Variants in DLGAP2 observed in about 807,000 individuals in gnomAD.
DLGAP2 encodes DLG associated protein 2.
A neutral mutation model predicts 100.3 loss-of-function variants in DLGAP2; 26 were observed. That is an observed-to-expected ratio of 0.26 (90% CI 0.19 to 0.36). The LOEUF (loss-of-function observed/expected upper bound fraction) is 0.36, where lower values mean the gene tolerates loss of function less well. Among genes scored for constraint, DLGAP2 ranks in the 10% least tolerant of loss-of-function variants. The pLI, the probability that DLGAP2 is intolerant of heterozygous loss-of-function variation, is 1.00. For synonymous variants in DLGAP2, 886 were observed against 630.1 expected (o/e 1.41, Z -6.08); for missense variants, 1,858 against 1,453.2 (o/e 1.28, Z -4.53).
At position 1,626,819 on chromosome 8, in the gene DLGAP2, T is replaced by C. The variant is rs1797516338; in HGVS notation, c.1522T>C (p.Phe508Leu). Residue 508 changes from phenylalanine (F) to leucine (L), a missense_variant, in exon 7 of 15, where the codon TTC (phenylalanine) becomes CTC (leucine). Transcript: ENST00000637795. ...CGCTGCGAACTACAACTCCCCGAAATTCCGCTCCCGGAACCAGAGCTACAT... is the reference window on the plus strand; with the variant it reads ...CGCTGCGAACTACAACTCCCCGAAACTCCGCTCCCGGAACCAGAGCTACAT... The part of the protein sequence containing the change: ...DPAANYNSPK[F>L]RSRNQSYMRA... 6.2e-7 allele frequency: 1 copy of C among 1,606,028 alleles called. No homozygotes were observed. The highest frequency in any genetic ancestry group is 8.5e-7 in the Non-Finnish European group (1 of 1,176,576).
chr8:1,537,270 A>T (rs552251908), intron 4 of DLGAP2, among the ~76,000 whole-genome samples: 72 of 152,248 alleles, frequency 4.7e-4, no homozygotes, highest in African/African-American at 1.7e-3. Flanking sequence ...CATGTGCATA[A>T]TCATGCATGT....
chr8:1,536,473 C>T (rs1400131668), intron 4 of DLGAP2, among the ~76,000 whole-genome samples: 1 of 152,104 alleles, frequency 6.6e-6, no homozygotes, highest in Non-Finnish European at 1.5e-5. Flanking sequence ...TCTGAATTTT[C>T]AAGTGAACGA....
chr8:752,916 T>C (rs990761229), intron 1 of DLGAP2, among the ~76,000 whole-genome samples: 4 of 152,162 alleles, frequency 2.6e-5, no homozygotes, highest in Non-Finnish European at 5.9e-5. Flanking sequence ...TCTCAGCTGT[T>C]TAAGTGGATC....
intron 1 of DLGAP2, among the ~76,000 whole-genome samples, chr8:804,815 G>T (rs1374072040): frequency 6.6e-6 from 1 of 151,876 alleles, no homozygotes; most frequent in Non-Finnish European, 1.5e-5. Flanking sequence ...ACCCAGGCTC[G>T]AGTGCAGTGG....
intron 3 of DLGAP2, among the ~76,000 whole-genome samples, chr8:1,365,328 C>A (rs1301499026): frequency 6.6e-6 from 1 of 152,112 alleles, no homozygotes; most frequent in African/African-American, 2.4e-5. Context: ...TGCAGGTGGC[C>A]CAGGGTCCCC....
intron 3 of DLGAP2, among the ~76,000 whole-genome samples, chr8:1,473,065 G>C (rs1246383895): frequency 1.3e-5 from 2 of 151,986 alleles, no homozygotes; most frequent in Non-Finnish European, 2.9e-5. Context: ...CAGGCAGCTG[G>C]GATTACAGGC....
intron 1 of DLGAP2, among the ~76,000 whole-genome samples, chr8:878,229 G>T (rs980616985): frequency 1.3e-5 from 2 of 152,158 alleles, no homozygotes; most frequent in African/African-American, 4.8e-5. Flanking sequence ...TATAGACAGA[G>T]ATGGAATAAT....
intron 8 of DLGAP2, among the ~76,000 whole-genome samples, chr8:1,668,113 C>A (rs1318440706): frequency 6.6e-6 from 1 of 152,242 alleles, no homozygotes; most frequent in Non-Finnish European, 1.5e-5. Flanking sequence ...TGTGTCTCTG[C>A]AGCTGGGTTT....
Position 1,478,422 on chromosome 8 carries a change from C to T in DLGAP2, c.107-22944C>T, listed in dbSNP as rs72507650. On this transcript the variant is annotated intron_variant, in intron 3 of 14. Transcript: ENST00000637795. The stretch of plus-strand genomic sequence containing the variant: ...CCATGACATTTTCAGGAGCTCCTCG[C>T]GGTGTGAAGAGCATGCTTTCAGCCC... Among the ~76,000 whole-genome samples the T allele has an allele frequency of 7.0e-3, 1,068 of 152,334 alleles. 8 individuals are homozygous for T. Among genetic ancestry groups the T allele is most frequent in the East Asian group, 0.028 (144 of 5,178 alleles).
At chr8:1,201,219 C>T (rs530286558) in intron 2 of DLGAP2, among the ~76,000 whole-genome samples, 2 of 152,308 alleles carry the variant, frequency 1.3e-5, no homozygotes, top group South Asian at 4.1e-4. Flanking sequence ...AGACGCAGAA[C>T]CAGGGGTGCA....
At chr8:1,502,571 G>A (rs1799760259) in intron 4 of DLGAP2, among the ~76,000 whole-genome samples, 1 of 152,232 alleles carries the variant, frequency 6.6e-6, no homozygotes, top group Non-Finnish European at 1.5e-5. Flanking sequence ...CTCGGAAATA[G>A]ACGAGTGAAA....
chr8:1,433,690 G>C (rs529811744), intron 3 of DLGAP2, among the ~76,000 whole-genome samples: 1 of 149,058 alleles, frequency 6.7e-6, no homozygotes, highest in East Asian at 2.0e-4. Context: ...TAGGTGCCTG[G>C]AGTTTTGCTA....
At chr8:1,457,252 T>C (rs2130136917) in intron 3 of DLGAP2, among the ~76,000 whole-genome samples, 1 of 152,334 alleles carries the variant, frequency 6.6e-6, no homozygotes, top group East Asian at 1.9e-4. Context: ...CAAGGGGTTG[T>C]TCTCAAGTTA....
At chr8:1,340,451 T>C (rs555879016) in intron 3 of DLGAP2, among the ~76,000 whole-genome samples, 1 of 152,160 alleles carries the variant, frequency 6.6e-6, no homozygotes, top group African/African-American at 2.4e-5. Context: ...AGAAGACATA[T>C]GTGCAGCCAG....
intron 2 of DLGAP2, among the ~76,000 whole-genome samples, chr8:1,220,033 A>G (rs1487078473): frequency 6.6e-6 from 1 of 151,862 alleles, no homozygotes; most frequent in African/African-American, 2.4e-5. Flanking sequence ...GTGGTCTATC[A>G]GTATTATTTC....
Position 1,382,604 on chromosome 8 carries a change from C to T in DLGAP2, c.107-118762C>T, listed in dbSNP as rs1271009433. Among the ~76,000 whole-genome samples the T allele has an allele frequency of 9.9e-5, 15 of 151,986 alleles. No individual in the cohort carries two copies. The East Asian group carries it at 2.9e-3, about 29-fold the overall frequency. On this transcript the variant is annotated intron_variant, in intron 3 of 14. Transcript: ENST00000637795. The stretch of plus-strand genomic sequence containing the variant: ...ATAAACTTTTAAAAAATTAGCAGTG[C>T]AGTGGTGTGTGCCTGCAGTCCCAGC...
chr8:1,442,480 T>G (rs1797863333), intron 3 of DLGAP2, among the ~76,000 whole-genome samples: 1 of 145,950 alleles, frequency 6.9e-6, no homozygotes, highest in Non-Finnish European at 1.5e-5. Flanking sequence ...TGCTGGGGGT[T>G]CAGCCACTGG....
At chr8:889,016 T>C (rs1188082453) in intron 1 of DLGAP2, among the ~76,000 whole-genome samples, 1 of 151,938 alleles carries the variant, frequency 6.6e-6, no homozygotes, top group Non-Finnish European at 1.5e-5. Context: ...TTTATAGGAT[T>C]TGGGTGGATA....
At chr8:1,667,522 A>G (rs1162450980) in intron 8 of DLGAP2, among the ~76,000 whole-genome samples, 1 of 152,152 alleles carries the variant, frequency 6.6e-6, no homozygotes, top group African/African-American at 2.4e-5. Flanking sequence ...ACTTATAGGG[A>G]AGCAAGTAAG....
Sources: allele counts gnomAD v4.1 joint callset (sites outside exome capture counted in the v4.1 genomes callset), GRCh38; gene constraint gnomAD v4.1.1; transcripts MANE v1.5; gene names NCBI Gene and HGNC (gene_info 2026-07-23, HGNC 2026-07-21).